Variants in LRP1B observed in about 807,000 individuals in gnomAD.
LRP1B encodes LDL receptor related protein 1B, also known as low-density lipoprotein receptor-related protein 1B.
In LRP1B, 217 loss-of-function variants were observed where a neutral mutation model predicts 556.6. The ratio of observed to expected loss-of-function variants is 0.39; its 90% CI spans 0.35 to 0.44. The LOEUF is 0.44. LRP1B is among the 20% of genes least tolerant of loss of function. LRP1B has a pLI of 1.00. For missense variants in LRP1B, 5,053 were observed against 5,620.8 expected, an observed-to-expected ratio of 0.90 and a Z score of 3.23; for synonymous variants, 2,047 against 1,865.8, an observed-to-expected ratio of 1.10 and a Z score of -2.50.
chr2:140,898,544 G>T, intron 23 of LRP1B: 1 of 326,424 alleles, frequency 3.1e-6, no homozygotes, highest in South Asian at 2.6e-5. Flanking sequence ...AGCAATCCCA[G>T]GACCATCGAT....
chr2:141,942,593 C>T (rs1322710744), intron 1 of LRP1B, among the ~76,000 whole-genome samples: 4 of 152,136 alleles, frequency 2.6e-5, no homozygotes, highest in Admixed American at 2.6e-4. Context: ...GTGAAAGGAA[C>T]CTGAAACTGC....
chr2:140,531,047 A>G (rs1320562334), intron 47 of LRP1B, among the ~76,000 whole-genome samples: 2 of 152,166 alleles, frequency 1.3e-5, no homozygotes, highest in East Asian at 3.9e-4. Flanking sequence ...AACACCTACC[A>G]TACATGAGGT....
At chr2:140,413,364 T>C (rs1244326974) in intron 66 of LRP1B, among the ~76,000 whole-genome samples, 1 of 152,194 alleles carries the variant, frequency 6.6e-6, no homozygotes, top group Non-Finnish European at 1.5e-5. Flanking sequence ...AATGTTTGCT[T>C]TAGAGAAAAT....
intron 2 of LRP1B, among the ~76,000 whole-genome samples, chr2:141,619,989 T>C (rs1440492621): frequency 6.6e-6 from 1 of 152,238 alleles, no homozygotes; most frequent in African/African-American, 2.4e-5. Flanking sequence ...GGTCTCACTC[T>C]GTCACCCAGG....
intron 41 of LRP1B, among the ~76,000 whole-genome samples, chr2:140,648,635 C>A (rs1303031154): frequency 6.6e-6 from 1 of 151,968 alleles, no homozygotes; most frequent in Admixed American, 6.6e-5. Flanking sequence ...GGGGTAATCT[C>A]TGGAAAAGAT....
chr2:140,352,701 C>CT (rs987941683), intron 76 of LRP1B, among the ~76,000 whole-genome samples: 1 of 151,908 alleles, frequency 6.6e-6, no homozygotes, highest in Non-Finnish European at 1.5e-5. Flanking sequence ...AATTTTACCC[C>CT]TTTTGAAAAA....
chr2:140,887,155 G>T (rs527401377), intron 23 of LRP1B, among the ~76,000 whole-genome samples: 5 of 152,188 alleles, frequency 3.3e-5, no homozygotes, highest in Admixed American at 2.6e-4. Context: ...TGACATTATT[G>T]TGACAAGAGC....
chr2:141,730,585 A>C (rs1693233147), intron 2 of LRP1B, among the ~76,000 whole-genome samples: 1 of 152,112 alleles, frequency 6.6e-6, no homozygotes, highest in Non-Finnish European at 1.5e-5. Flanking sequence ...ATCTCCAGCT[A>C]CCTATTATAC....
At chr2:141,291,638 C>T (rs1685955283) in intron 3 of LRP1B, among the ~76,000 whole-genome samples, 1 of 151,954 alleles carries the variant, frequency 6.6e-6, no homozygotes, top group Non-Finnish European at 1.5e-5. Flanking sequence ...AGGCGGATCA[C>T]GAGGTCAGGA....
intron 40 of LRP1B, 70 bp downstream of exon 40, chr2:140,701,651 C>A (rs2105425068): frequency 6.9e-7 from 1 of 1,458,754 alleles, no homozygotes; most frequent in Non-Finnish European, 9.3e-7. Context: ...CTAAGTTTGA[C>A]AATGTTTTTA....
At chr2:140,648,793 C>G (rs1035636901) in intron 41 of LRP1B, among the ~76,000 whole-genome samples, 2 of 152,102 alleles carry the variant, frequency 1.3e-5, no homozygotes, top group African/African-American at 4.8e-5. Flanking sequence ...TCCTTAGAGA[C>G]AGAATACGAC....
At chr2:141,773,478 G>A (rs1406737470) in intron 2 of LRP1B, among the ~76,000 whole-genome samples, 1 of 152,216 alleles carries the variant, frequency 6.6e-6, no homozygotes, top group Non-Finnish European at 1.5e-5. Context: ...GACCCCAAAT[G>A]AGGAAGATTA....
chr2:141,532,467 G>A (rs922852209), intron 2 of LRP1B, among the ~76,000 whole-genome samples: 1 of 151,644 alleles, frequency 6.6e-6, no homozygotes, highest in Non-Finnish European at 1.5e-5. Context: ...TGAGTTAGAA[G>A]TTAGAAGAGT....
intron 3 of LRP1B, among the ~76,000 whole-genome samples, chr2:141,459,734 C>G (rs1251512120): frequency 3.9e-5 from 6 of 152,018 alleles, no homozygotes; most frequent in Admixed American, 3.3e-4. Flanking sequence ...TGAGATGTGA[C>G]TTTCATCTTC....
intron 41 of LRP1B, among the ~76,000 whole-genome samples, chr2:140,682,271 C>T (rs1685885468): frequency 2.0e-5 from 3 of 152,294 alleles, no homozygotes; most frequent in African/African-American, 4.8e-5. Flanking sequence ...TGTCTATATT[C>T]GTACCACACT....
chr2:140,966,617 C>T (rs1696230689), intron 18 of LRP1B, among the ~76,000 whole-genome samples: 1 of 152,158 alleles, frequency 6.6e-6, no homozygotes, highest in Admixed American at 6.5e-5. Flanking sequence ...AGTCCTTGCC[C>T]ATGCCTATGT....
intron 2 of LRP1B, among the ~76,000 whole-genome samples, chr2:141,799,804 G>A (rs1459225551): frequency 7.0e-6 from 1 of 142,866 alleles, no homozygotes; most frequent in Non-Finnish European, 1.5e-5. Flanking sequence ...TTTAAAGAGT[G>A]TGTCTGTGTG....
At chr2:141,641,384 G>A (rs1689327238) in intron 2 of LRP1B, among the ~76,000 whole-genome samples, 1 of 151,716 alleles carries the variant, frequency 6.6e-6, no homozygotes, top group Admixed American at 6.6e-5. Context: ...GTTGAAAAGG[G>A]GTGACTATAC....
At chr2:141,480,643 T>C (rs910761218) in intron 2 of LRP1B, 110 bp from the exon 3 acceptor site, 71 of 1,075,704 alleles carry the variant, frequency 6.6e-5, no homozygotes, top group African/African-American at 6.4e-4. Context: ...CTATAGAAAA[T>C]ACTGTAAGAG....
Sources: gnomAD v4.1 joint callset for allele counts (sites outside exome capture counted in the v4.1 genomes callset) on GRCh38, gnomAD v4.1.1 for gene constraint, MANE v1.5 for transcripts, NCBI Gene and HGNC (gene_info 2026-07-23, HGNC 2026-07-21) for gene names.